The following MTMR3 variants were observed in gnomAD, a reference collection of about 807,000 sequenced individuals.
The protein encoded by MTMR3 is myotubularin related protein 3.
A neutral mutation model predicts 132.4 loss-of-function variants in MTMR3; 32 were observed. The ratio of observed to expected loss-of-function variants is 0.24; its 90% CI spans 0.18 to 0.32. The LOEUF is 0.32. Ranked by LOEUF, MTMR3 falls within the 10% of genes least tolerant of loss-of-function variation. The pLI is 1.00. For synonymous variants in MTMR3, 556 were observed against 550.3 expected (o/e 1.01, Z -0.14); for missense variants, 1,216 against 1,489.6 (o/e 0.82, Z 3.02).
chr22:29,939,468 A>G (rs1302780426), intron 1 of MTMR3, among the ~76,000 whole-genome samples: 3 of 152,180 alleles, frequency 2.0e-5, no homozygotes, highest in Admixed American at 6.5e-5. Flanking sequence ...AGATAATCCT[A>G]TAAACCTTTT....
At chr22:29,893,175 G>A (rs905943625) in intron 1 of MTMR3, among the ~76,000 whole-genome samples, 1 of 152,100 alleles carries the variant, frequency 6.6e-6, no homozygotes, top group African/African-American at 2.4e-5. Context: ...AAACCAACAG[G>A]TATATTTTCC....
chr22:29,906,493 TA>T (rs1443950187), intron 1 of MTMR3, among the ~76,000 whole-genome samples: 2 of 22,686 alleles, frequency 8.8e-5, no homozygotes, highest in Non-Finnish European at 1.8e-4. Flanking sequence ...CATACCTGGC[TA>T]ATTTTTTTTT....
At chr22:30,004,844 C>T (rs1207979198) in intron 9 of MTMR3, 1 of 152,238 alleles carries the variant, frequency 6.6e-6, no homozygotes, top group Non-Finnish European at 1.5e-5. Flanking sequence ...CATCCATTTC[C>T]TGAATTTAGT....
chr22:29,986,428 ATCTTCT>A, intron 5 of MTMR3: 1 of 397,740 alleles, frequency 2.5e-6, no homozygotes, highest in Non-Finnish European at 3.4e-6. Context: ...AAGCAAAGTT[ATCTTCT>A]AATCTGTCTT....
At chr22:29,952,428 A>G (rs2066102025) in intron 1 of MTMR3, among the ~76,000 whole-genome samples, 1 of 150,896 alleles carries the variant, frequency 6.6e-6, no homozygotes, top group Non-Finnish European at 1.5e-5. Context: ...TTTTAAAATC[A>G]TGTTAGTTGG....
intron 7 of MTMR3, chr22:29,994,951 A>G (rs2067032809): frequency 6.6e-6 from 1 of 152,204 alleles, no homozygotes; most frequent in South Asian, 2.1e-4. Flanking sequence ...AGTGGACTGA[A>G]AGCTAAAAGC....
At chr22:29,959,974 T>C (rs1437188023) in intron 2 of MTMR3, among the ~76,000 whole-genome samples, 5 of 152,006 alleles carry the variant, frequency 3.3e-5, no homozygotes, top group Admixed American at 3.3e-4. Context: ...ATTATGTTGC[T>C]CAGGGTGGTC....
At chr22:29,918,842 ATAT>A (rs1396121363) in intron 1 of MTMR3, among the ~76,000 whole-genome samples, 7 of 152,204 alleles carry the variant, frequency 4.6e-5, no homozygotes, top group African/African-American at 1.4e-4. Flanking sequence ...GAAGGACAAA[ATAT>A]TATTTGCCTT....
chr22:29,890,139 C>G (rs994094027), intron 1 of MTMR3, among the ~76,000 whole-genome samples: 11 of 151,868 alleles, frequency 7.2e-5, no homozygotes, highest in Non-Finnish European at 1.6e-4. Context: ...ATCTCCTGAC[C>G]TCATGATCCA....
chr22:29,894,167 T>G (rs988505451), intron 1 of MTMR3, among the ~76,000 whole-genome samples: 1 of 152,112 alleles, frequency 6.6e-6, no homozygotes, highest in Non-Finnish European at 1.5e-5. Context: ...TTTAAAGTCT[T>G]TATTTTTCAC....
At position 30,028,026 on chromosome 22, in the gene MTMR3, A is replaced by G. The variant is rs41278855; in HGVS notation, c.*2225A>G. ...GACCTTGGCAAGGAGCCTCACCATG[A>G]TGTTCAAGCACTGAACGCATTTCCT... On this transcript the variant is annotated 3_prime_UTR_variant, in exon 20 of 20. Coordinates refer to ENST00000401950, the MANE Select transcript of MTMR3 (RefSeq NM_021090.4). 894 of 152,462 alleles carry G rather than the reference A, an allele frequency of 5.9e-3. 1 individual carries two copies. The highest frequency in any genetic ancestry group is 0.031 in the Middle Eastern group (9 of 294). The allele number at this position is 152,462 out of a possible 1,614,324, so 9.4% of individuals were successfully genotyped here. A position where few individuals can be genotyped will look rare whatever the true frequency, so the allele number is the denominator to read the frequency against.
intron 1 of MTMR3, among the ~76,000 whole-genome samples, chr22:29,944,010 G>T (rs967399115): frequency 7.2e-5 from 11 of 151,744 alleles, no homozygotes; most frequent in South Asian, 2.1e-4. Flanking sequence ...GTAGAGATGG[G>T]ATTTTGCCAT....
intron 1 of MTMR3, among the ~76,000 whole-genome samples, chr22:29,909,942 TGAG>T (rs892469080): frequency 6.6e-6 from 1 of 150,894 alleles, no homozygotes; most frequent in Non-Finnish European, 1.5e-5. Context: ...GATCATGAGA[TGAG>T]GAGACCGAGA....
At chr22:29,905,770 C>T (rs556906651) in intron 1 of MTMR3, among the ~76,000 whole-genome samples, 3 of 152,232 alleles carry the variant, frequency 2.0e-5, no homozygotes, top group Non-Finnish European at 4.4e-5. Flanking sequence ...TGTATTTTTA[C>T]AGCTTTCCCC....
intron 1 of MTMR3, among the ~76,000 whole-genome samples, chr22:29,902,830 C>A (rs538440601): frequency 3.3e-5 from 5 of 152,236 alleles, no homozygotes; most frequent in African/African-American, 1.2e-4. Context: ...AGGTTGATTA[C>A]CTATGTTAAT....
intron 2 of MTMR3, among the ~76,000 whole-genome samples, chr22:29,960,111 T>A (rs2066281369): frequency 6.6e-6 from 1 of 152,066 alleles, no homozygotes; most frequent in Admixed American, 6.6e-5. Flanking sequence ...AAGAGAAAGA[T>A]GTAAATGTAT....
At chr22:30,008,913 C>T in intron 11 of MTMR3, 105 bp from the exon 12 acceptor site, 1 of 718,320 alleles carries the variant, frequency 1.4e-6, no homozygotes. Flanking sequence ...TTTCGTTAAT[C>T]AGAAGCTGCA....
chr22:29,970,745 A>G (rs1823627805), intron 2 of MTMR3, among the ~76,000 whole-genome samples: 2 of 152,054 alleles, frequency 1.3e-5, no homozygotes, highest in Non-Finnish European at 1.5e-5. Flanking sequence ...TTGCAGAAAC[A>G]GGTTAAGACT....
At chr22:29,905,805 T>A (rs1224137586) in intron 1 of MTMR3, among the ~76,000 whole-genome samples, 1 of 152,236 alleles carries the variant, frequency 6.6e-6, no homozygotes, top group Non-Finnish European at 1.5e-5. Context: ...AACAATTTTA[T>A]GGGGTTTTGG....
Sources: gnomAD v4.1 joint callset for allele counts (sites outside exome capture counted in the v4.1 genomes callset) on GRCh38, gnomAD v4.1.1 for gene constraint, MANE v1.5 for transcripts, NCBI Gene and HGNC (gene_info 2026-07-23, HGNC 2026-07-21) for gene names.